UBR3: variants seen among roughly 807,000 people sequenced by gnomAD.
The protein encoded by UBR3 is E3 ubiquitin-protein ligase UBR3.
In UBR3, 85 loss-of-function variants were observed where a neutral mutation model predicts 243.2. The observed-to-expected ratio is 0.35, with a 90% CI of 0.29 to 0.42. The LOEUF (loss-of-function observed/expected upper bound fraction) is 0.42. UBR3 is among the 10% of genes least tolerant of loss of function. UBR3 has a pLI of 1.00. For synonymous variants in UBR3, 748 were observed against 799.8 expected (o/e 0.94, Z 1.09); for missense variants, 1,686 against 2,300.8 (o/e 0.73, Z 5.47).
intron 5 of UBR3, among the ~76,000 whole-genome samples, chr2:169,878,859 T>C (rs1035284399): frequency 1.1e-4 from 17 of 152,162 alleles, no homozygotes; most frequent in African/African-American, 4.1e-4. Context: ...TAGAAAGAGG[T>C]AGAGATTTCT....
intron 1 of UBR3, among the ~76,000 whole-genome samples, chr2:169,853,718 G>A (rs919730262): frequency 6.6e-6 from 1 of 151,986 alleles, no homozygotes. Flanking sequence ...CCAAAGTGCT[G>A]GGATTATAGG....
chr2:170,022,753 A>C lies in UBR3; in HGVS notation c.4454-6593A>C, dbSNP rs1283296454. Among the ~76,000 whole-genome samples the C allele has an allele frequency of 2.6e-5, 4 of 152,084 alleles. No homozygotes were observed. The East Asian group carries it at 7.7e-4, about 29-fold the overall frequency. ...TTGTCTTTTAACTCTTTAAAATTCT[A>C]CCATAACTGCCACTTGATTCTCTGC... On this transcript the variant is annotated intron_variant, in intron 30 of 38. Transcript: ENST00000272793.
At chr2:169,857,062 A>ATTTTTTTTTTT (rs1553494582) in intron 1 of UBR3, among the ~76,000 whole-genome samples, 1 of 28,502 alleles carries the variant, frequency 3.5e-5, no homozygotes, top group Non-Finnish European at 8.2e-5. Context: ...TAATTTTATT[A>ATTTTTTTTTTT]TGTTTTTTTT....
At chr2:170,004,623 T>C (rs2105402702) in intron 27 of UBR3, among the ~76,000 whole-genome samples, 1 of 152,114 alleles carries the variant, frequency 6.6e-6, no homozygotes, top group Non-Finnish European at 1.5e-5. Flanking sequence ...GAAAAACCAC[T>C]TTGGGGGCCA....
At chr2:169,956,300 TTA>T (rs145201293) in intron 23 of UBR3, among the ~76,000 whole-genome samples, 8 of 147,002 alleles carry the variant, frequency 5.4e-5, no homozygotes, top group African/African-American at 7.4e-5. Flanking sequence ...AACTAAAATG[TTA>T]TATATATATA....
At chr2:169,906,441 G>A (rs2085011736) in intron 10 of UBR3, among the ~76,000 whole-genome samples, 1 of 5,960 alleles carries the variant, frequency 1.7e-4, no homozygotes, top group Admixed American at 3.7e-3. Context: ...GTTGCCTAAT[G>A]CTTCTTTCTT....
At chr2:170,080,456 G>A in intron 37 of UBR3, 89 bp from the exon 38 acceptor site, 2 of 1,234,924 alleles carry the variant, frequency 1.6e-6, no homozygotes, top group African/African-American at 1.5e-5. Context: ...TTAAATCACT[G>A]TATTATTTAG....
intron 15 of UBR3, 34 bp downstream of exon 15, chr2:169,926,778 A>G: frequency 1.3e-6 from 2 of 1,544,808 alleles, no homozygotes; most frequent in Non-Finnish European, 8.7e-7. Flanking sequence ...GGTATTAGGA[A>G]GTGTCCAGTT....
chr2:169,930,304 A>G (rs2086071791), intron 18 of UBR3, among the ~76,000 whole-genome samples: 1 of 152,200 alleles, frequency 6.6e-6, no homozygotes, highest in South Asian at 2.1e-4. Context: ...TTCGGAGATT[A>G]GAGCAAGGAA....
At chr2:169,873,712 G>T (rs912647017) in intron 2 of UBR3, among the ~76,000 whole-genome samples, 2 of 152,040 alleles carry the variant, frequency 1.3e-5, no homozygotes, top group Non-Finnish European at 1.5e-5. Context: ...ACAGAAAAAA[G>T]AATATATAAA....
intron 1 of UBR3, among the ~76,000 whole-genome samples, chr2:169,869,992 G>GT (rs1232991466): frequency 5.9e-5 from 9 of 151,674 alleles, no homozygotes; most frequent in Non-Finnish European, 1.2e-4. Flanking sequence ...TACATAGTCA[G>GT]TTTTTTTTCT....
chr2:170,029,575 A>G (rs1345213546), intron 31 of UBR3, 127 bp downstream of exon 31: 24 of 688,206 alleles, frequency 3.5e-5, no homozygotes, highest in Middle Eastern at 4.2e-4. Flanking sequence ...GCACAGAAAT[A>G]TATCATAAGA....
chr2:170,000,586 A>AT (rs1180750016), intron 26 of UBR3, among the ~76,000 whole-genome samples: 5 of 152,246 alleles, frequency 3.3e-5, no homozygotes, highest in Admixed American at 6.5e-5. Flanking sequence ...GAGATGATTC[A>AT]TGGAGAAGAT....
chr2:170,008,890 G>T lies in UBR3; in HGVS notation c.4317G>T (p.Lys1439Asn), dbSNP rs765822321. The part of the protein sequence containing the change: ...TTQKKYRDYS[K>N]TPGSPDNDFL... ...AGAAGAAATATAGAGACTATAGCAAGACCCCGGGCTCACCAGACAATGATT... is the reference window on the plus strand; with the variant it reads ...AGAAGAAATATAGAGACTATAGCAATACCCCGGGCTCACCAGACAATGATT... Residue 1439 changes from lysine (K) to asparagine (N), a missense_variant, in exon 29 of 39, where the codon AAG (lysine) becomes AAT (asparagine). By Grantham distance (94) the Lys-to-Asn change is moderately conservative (BLOSUM62 0). Coordinates refer to ENST00000272793, the MANE Select transcript of UBR3 (RefSeq NM_172070.4). 3.1e-6 allele frequency: 5 copies of T among 1,598,552 alleles called. No homozygotes were observed. The highest frequency in any genetic ancestry group is 4.3e-6 in the Non-Finnish European group (5 of 1,172,590).
intron 11 of UBR3, among the ~76,000 whole-genome samples, chr2:169,916,860 C>A (rs1248279669): frequency 6.6e-6 from 1 of 151,942 alleles, no homozygotes; most frequent in Non-Finnish European, 1.5e-5. Flanking sequence ...TAGGCCACAC[C>A]CCCTATGCCT....
intron 30 of UBR3, among the ~76,000 whole-genome samples, chr2:170,022,212 G>A (rs1180276481): frequency 1.3e-5 from 2 of 152,126 alleles, no homozygotes; most frequent in Non-Finnish European, 2.9e-5. Flanking sequence ...CCTTAAAGTA[G>A]AAGGTGAACA....
intron 37 of UBR3, 131 bp from the exon 38 acceptor site, chr2:170,080,414 A>G (rs765364066): frequency 9.0e-6 from 9 of 1,002,458 alleles, no homozygotes; most frequent in African/African-American, 1.6e-5. Context: ...GAATGGAGTT[A>G]TAAGTTTAAC....
At chr2:169,893,674 G>A (rs1283082199) in intron 6 of UBR3, among the ~76,000 whole-genome samples, 1 of 152,142 alleles carries the variant, frequency 6.6e-6, no homozygotes, top group African/African-American at 2.4e-5. Context: ...CAATCCTCCT[G>A]TCTCAACCTG....
chr2:169,936,483 T>C (rs991883474), intron 19 of UBR3, among the ~76,000 whole-genome samples: 3 of 151,988 alleles, frequency 2.0e-5, no homozygotes, highest in African/African-American at 4.8e-5. Flanking sequence ...CTTCATTCTA[T>C]GTAGTATTTG....
Sources: allele counts gnomAD v4.1 joint callset (sites outside exome capture counted in the v4.1 genomes callset), GRCh38; gene constraint gnomAD v4.1.1; transcripts MANE v1.5; gene names NCBI Gene and HGNC (gene_info 2026-07-23, HGNC 2026-07-21).